The following RIMS2 variants were observed in gnomAD, a reference collection of about 807,000 sequenced individuals.
RIMS2 encodes the protein regulating synaptic membrane exocytosis protein 2.
Under a neutral mutation model 174.4 loss-of-function variants are expected in RIMS2, and 59 were observed. That is an observed-to-expected ratio of 0.34 (90% confidence interval 0.27 to 0.42). The LOEUF (loss-of-function observed/expected upper bound fraction) is 0.42. RIMS2 is among the 10% of genes least tolerant of loss of function. The probability of loss-of-function intolerance (pLI) is 1.00; values close to 1 mark genes in which losing one functional copy is unlikely to be tolerated. For synonymous variants in RIMS2, 606 were observed against 572.5 expected (o/e 1.06, Z -0.84); for missense variants, 1,620 against 1,666.3 (o/e 0.97, Z 0.48).
chr8:103,915,810 G>C (rs997855902), intron 7 of RIMS2, among the ~76,000 whole-genome samples: 1 of 151,638 alleles, frequency 6.6e-6, no homozygotes, highest in Admixed American at 6.6e-5. Context: ...TTTTCTGATT[G>C]GTGTTCTAAT....
At chr8:103,808,849 G>T (rs946126577) in intron 3 of RIMS2, among the ~76,000 whole-genome samples, 4 of 152,084 alleles carry the variant, frequency 2.6e-5, no homozygotes, top group African/African-American at 9.7e-5. Flanking sequence ...CTTTCTAAAT[G>T]ATCTCTCTGC....
chr8:103,564,522 T>C (rs2092081736), intron 1 of RIMS2, among the ~76,000 whole-genome samples: 1 of 152,180 alleles, frequency 6.6e-6, no homozygotes, highest in African/African-American at 2.4e-5. Context: ...AGGCTGACAG[T>C]GCAGCCTTCA....
intron 19 of RIMS2, among the ~76,000 whole-genome samples, chr8:104,037,925 A>G (rs991948780): frequency 3.3e-5 from 5 of 152,002 alleles, no homozygotes; most frequent in African/African-American, 1.2e-4. Flanking sequence ...TATGTTTTCT[A>G]TGTTTGGATA....
At chr8:103,684,527 T>C (rs1354917292) in intron 1 of RIMS2, among the ~76,000 whole-genome samples, 1 of 151,732 alleles carries the variant, frequency 6.6e-6, no homozygotes, top group Non-Finnish European at 1.5e-5. Context: ...GACTACTTTC[T>C]GGTTCATACT....
chr8:103,893,897 C>T (rs953403654), intron 4 of RIMS2, among the ~76,000 whole-genome samples: 1 of 151,992 alleles, frequency 6.6e-6, no homozygotes, highest in Non-Finnish European at 1.5e-5. Flanking sequence ...TGCACACAGC[C>T]ATGCTGTGGC....
intron 1 of RIMS2, among the ~76,000 whole-genome samples, chr8:103,504,076 T>C (rs1348584759): frequency 6.6e-6 from 1 of 152,136 alleles, no homozygotes; most frequent in East Asian, 1.9e-4. Flanking sequence ...AATCAGTAAT[T>C]ACTTTAAAGA....
intron 19 of RIMS2, among the ~76,000 whole-genome samples, chr8:104,215,287 A>G (rs1019459056): frequency 6.6e-6 from 1 of 152,222 alleles, no homozygotes; most frequent in Non-Finnish European, 1.5e-5. Flanking sequence ...GTTGTAATGA[A>G]TACATGAAGC....
chr8:103,948,615 A>G (rs1344475476), intron 14 of RIMS2, among the ~76,000 whole-genome samples: 2 of 152,158 alleles, frequency 1.3e-5, no homozygotes, highest in East Asian at 1.9e-4. Context: ...TATATAACAT[A>G]TATAGAAGTG....
At chr8:103,609,813 G>C (rs2095303614) in intron 1 of RIMS2, among the ~76,000 whole-genome samples, 1 of 152,114 alleles carries the variant, frequency 6.6e-6, no homozygotes, top group Admixed American at 6.5e-5. Context: ...GGCTATTTCT[G>C]CTCTTTTTTG....
intron 19 of RIMS2, among the ~76,000 whole-genome samples, chr8:104,022,588 C>G (rs1024866790): frequency 5.9e-5 from 9 of 152,038 alleles, no homozygotes; most frequent in African/African-American, 2.2e-4. Context: ...ACTACCTTGG[C>G]CAGGCTGGTC....
At chr8:103,638,624 C>T (rs1371984898) in intron 1 of RIMS2, among the ~76,000 whole-genome samples, 1 of 151,972 alleles carries the variant, frequency 6.6e-6, no homozygotes, top group Non-Finnish European at 1.5e-5. Flanking sequence ...TGACATACTC[C>T]ATGTTTTTAT....
intron 19 of RIMS2, among the ~76,000 whole-genome samples, chr8:104,129,435 C>A (rs1178091556): frequency 1.3e-5 from 2 of 152,130 alleles, no homozygotes; most frequent in Admixed American, 6.5e-5. Flanking sequence ...TCTTGACATC[C>A]CACTGTAGGC....
intron 1 of RIMS2, among the ~76,000 whole-genome samples, chr8:103,523,082 ATGTGTGTGTTTATG>A (rs1316293274): frequency 6.6e-6 from 1 of 151,744 alleles, no homozygotes; most frequent in Non-Finnish European, 1.5e-5. Flanking sequence ...TGATGATGGG[ATGTGTGTGTTTATG>A]TGTGTGTGTG....
intron 19 of RIMS2, among the ~76,000 whole-genome samples, chr8:104,088,425 G>A (rs1227815985): frequency 6.6e-6 from 1 of 151,956 alleles, no homozygotes; most frequent in Admixed American, 6.6e-5. Flanking sequence ...ATCTTCCAAA[G>A]ATTATGTTTG....
chr8:103,814,895 A>G (rs2098709743), intron 3 of RIMS2, among the ~76,000 whole-genome samples: 1 of 152,176 alleles, frequency 6.6e-6, no homozygotes. Context: ...AACCATTGCT[A>G]ATGATATAGC....
At chr8:103,765,960 T>C (rs921723361) in intron 2 of RIMS2, among the ~76,000 whole-genome samples, 30 of 152,252 alleles carry the variant, frequency 2.0e-4, no homozygotes, top group Admixed American at 6.5e-5. Flanking sequence ...ATAAAACTAA[T>C]TAAATAATAC....
At chr8:104,169,304 C>CTATATATATATA (rs751636552) in intron 19 of RIMS2, among the ~76,000 whole-genome samples, 26 of 87,484 alleles carry the variant, frequency 3.0e-4, no homozygotes, top group South Asian at 8.7e-4. Context: ...TTGTTGTTGG[C>CTATATATATATA]TATATATATA....
exon 18 of RIMS2, chr8:104,013,579 T>C: frequency 6.2e-7 from 1 of 1,613,768 alleles, no homozygotes; most frequent in East Asian, 2.2e-5. Flanking sequence ...ATGCCTTCAT[T>C]AATGACTGGA....
Position 103,829,155 on chromosome 8 carries a change from T to C in RIMS2, c.699-56143T>C, listed in dbSNP as rs551851400. ...TAGTTTAAAAAATGTTCAATAGCTCTAATCATTAGAGAAATGCAAAGCAAA... is the reference window on the plus strand; with the variant it reads ...TAGTTTAAAAAATGTTCAATAGCTCCAATCATTAGAGAAATGCAAAGCAAA... On this transcript the variant is annotated intron_variant, in intron 3 of 23. Coordinates refer to ENST00000504942, the Ensembl canonical transcript of RIMS2. Among the ~76,000 whole-genome samples, 12 of 151,674 alleles carry C rather than the reference T, an allele frequency of 7.9e-5. No individual in the cohort carries two copies. The South Asian group carries it at 2.3e-3, about 29-fold the overall frequency.
Sources: gnomAD v4.1 joint callset for allele counts (sites outside exome capture counted in the v4.1 genomes callset) on GRCh38, gnomAD v4.1.1 for gene constraint, MANE v1.5 for transcripts, NCBI Gene and HGNC (gene_info 2026-07-23, HGNC 2026-07-21) for gene names.